Variants in AGBL4 observed in about 807,000 individuals in gnomAD.
The protein encoded by AGBL4 is cytosolic carboxypeptidase 6.
A neutral mutation model predicts 66.4 loss-of-function variants in AGBL4; 58 were observed. The observed-to-expected ratio is 0.87, with a 90% CI of 0.71 to 1.09. The LOEUF is 1.09. Ranked by LOEUF, AGBL4 falls within the 50% of genes least tolerant of loss-of-function variation. The pLI is 0.00. For missense variants in AGBL4, 579 were observed against 631.0 expected (o/e 0.92, Z 0.88); for synonymous variants, 234 against 222.9 (o/e 1.05, Z -0.44).
chr1:49,095,237 A>G (rs1250859508), intron 4 of AGBL4, among the ~76,000 whole-genome samples: 1 of 152,228 alleles, frequency 6.6e-6, no homozygotes, highest in East Asian at 1.9e-4. Context: ...AAGAATCAAT[A>G]TTATGCAAAT....
intron 12 of AGBL4, among the ~76,000 whole-genome samples, chr1:48,536,795 T>A (rs1393174618): frequency 1.3e-5 from 2 of 152,238 alleles, no homozygotes; most frequent in Admixed American, 1.3e-4. Context: ...TCTGATTTTG[T>A]CCCCTTTGCT....
intron 1 of AGBL4, among the ~76,000 whole-genome samples, chr1:49,903,881 C>G (rs555389435): frequency 2.0e-5 from 3 of 152,140 alleles, no homozygotes; most frequent in African/African-American, 7.2e-5. Flanking sequence ...GAGAACACTC[C>G]AGAAGGTAAA....
intron 6 of AGBL4, among the ~76,000 whole-genome samples, chr1:48,803,787 C>T (rs1415877989): frequency 6.6e-6 from 1 of 152,194 alleles, no homozygotes; most frequent in Non-Finnish European, 1.5e-5. Flanking sequence ...TTCTTGCCCA[C>T]TCTTGCCAAT....
chr1:48,767,108 A>G (rs563977555), intron 6 of AGBL4, among the ~76,000 whole-genome samples: 6 of 152,308 alleles, frequency 3.9e-5, no homozygotes, highest in Non-Finnish European at 5.9e-5. Context: ...TGGTTGGGAG[A>G]GGGTGGCCCA....
chr1:48,623,252 T>C (rs1186994920), intron 9 of AGBL4, among the ~76,000 whole-genome samples: 2 of 152,228 alleles, frequency 1.3e-5, no homozygotes, highest in South Asian at 2.1e-4. Context: ...TCTATACACT[T>C]TAGTAGCCTT....
At chr1:49,548,117 T>C (rs1652651254) in intron 3 of AGBL4, among the ~76,000 whole-genome samples, 1 of 152,186 alleles carries the variant, frequency 6.6e-6, no homozygotes, top group Middle Eastern at 3.2e-3. Context: ...TTGCTGTCGT[T>C]GTAAAGAGAG....
At chr1:48,718,780 A>G (rs1172022708) in intron 6 of AGBL4, among the ~76,000 whole-genome samples, 1 of 152,136 alleles carries the variant, frequency 6.6e-6, no homozygotes, top group Non-Finnish European at 1.5e-5. Context: ...TTGAGCCTGT[A>G]TAACTGAGGC....
At chr1:48,971,279 G>A (rs1369805603) in intron 5 of AGBL4, among the ~76,000 whole-genome samples, 2 of 152,162 alleles carry the variant, frequency 1.3e-5, no homozygotes, top group East Asian at 1.9e-4. Flanking sequence ...TGTGAACTGC[G>A]CAAATGAGGG....
At chr1:48,864,143 A>G (rs546723468) in intron 6 of AGBL4, among the ~76,000 whole-genome samples, 1 of 152,284 alleles carries the variant, frequency 6.6e-6, no homozygotes, top group East Asian at 1.9e-4. Context: ...TGAAAAATCA[A>G]TTCACAGAAG....
chr1:49,076,317 T>A (rs1231124991), intron 4 of AGBL4, among the ~76,000 whole-genome samples: 1 of 152,196 alleles, frequency 6.6e-6, no homozygotes, highest in East Asian at 1.9e-4. Context: ...ATATTTTAAA[T>A]CATTTCAAGA....
chr1:49,326,012 C>T (rs533177627), intron 3 of AGBL4, among the ~76,000 whole-genome samples: 2 of 152,236 alleles, frequency 1.3e-5, no homozygotes, highest in East Asian at 3.9e-4. Context: ...GAACCGTGAG[C>T]CAATTAAACT....
chr1:50,023,768 T>G lies in AGBL4; in HGVS notation c.29A>C (p.Glu10Ala), dbSNP rs1182798672. The change falls in exon 1 of 14, where the codon GAG (glutamate) becomes GCG (alanine). Residue 10 changes from glutamate (E) to alanine (A), a missense_variant. Coordinates refer to ENST00000371839, the MANE Select transcript of AGBL4 (RefSeq NM_032785.4). MAEGSQSAP[E>A]AGNDMGNDDA... is the part of the protein sequence containing the mutation. ...GATCGGCCGCCCCCACAGACCTGCC[T>G]CAGGCGCCGACTGGCTCCCCTCCGC... 2 of 1,549,518 alleles carry G rather than the reference T, an allele frequency of 1.3e-6. No homozygotes were observed. Among genetic ancestry groups the G allele is most frequent in the South Asian group, 2.4e-5 (2 of 83,844 alleles).
chr1:49,329,121 A>T (rs1442880376), intron 3 of AGBL4, among the ~76,000 whole-genome samples: 1 of 152,034 alleles, frequency 6.6e-6, no homozygotes, highest in African/African-American at 2.4e-5. Context: ...AGCCTGGCCA[A>T]CATGGTGAAA....
intron 3 of AGBL4, among the ~76,000 whole-genome samples, chr1:49,509,648 T>G (rs758495643): frequency 6.6e-6 from 1 of 151,908 alleles, no homozygotes; most frequent in Non-Finnish European, 1.5e-5. Context: ...GAATATGACA[T>G]GGATAAAGAT....
chr1:49,907,748 G>A (rs939103219), intron 1 of AGBL4, among the ~76,000 whole-genome samples: 5 of 151,950 alleles, frequency 3.3e-5, no homozygotes, highest in Non-Finnish European at 7.4e-5. Flanking sequence ...ATGAACACAT[G>A]TCATGAAACA....
intron 6 of AGBL4, among the ~76,000 whole-genome samples, chr1:48,695,937 C>T (rs1357566289): frequency 6.6e-6 from 1 of 151,978 alleles, no homozygotes; most frequent in Non-Finnish European, 1.5e-5. Flanking sequence ...GACCCACTGG[C>T]CTGCATGGCC....
chr1:49,410,610 C>A (rs916577976), intron 3 of AGBL4, among the ~76,000 whole-genome samples: 2 of 152,174 alleles, frequency 1.3e-5, no homozygotes, highest in African/African-American at 4.8e-5. Context: ...TTGAAAACCA[C>A]AAGAGGCCTA....
intron 1 of AGBL4, among the ~76,000 whole-genome samples, chr1:49,936,077 T>A (rs1653975493): frequency 6.6e-6 from 1 of 152,138 alleles, no homozygotes; most frequent in African/African-American, 2.4e-5. Context: ...GCAAAGAAGA[T>A]AAAAAGTTTG....
intron 9 of AGBL4, among the ~76,000 whole-genome samples, chr1:48,626,611 A>G (rs1645506646): frequency 6.6e-6 from 1 of 152,192 alleles, no homozygotes; most frequent in Non-Finnish European, 1.5e-5. Context: ...AACCTCTACT[A>G]TGTGTAGACA....
Sources: gnomAD v4.1 joint callset for allele counts (sites outside exome capture counted in the v4.1 genomes callset) on GRCh38, gnomAD v4.1.1 for gene constraint, MANE v1.5 for transcripts, NCBI Gene and HGNC (gene_info 2026-07-23, HGNC 2026-07-21) for gene names.